ANK2: variants seen among roughly 807,000 people sequenced by gnomAD.
ANK2 encodes ankyrin 2, also known as ankyrin-2.
In ANK2, 83 loss-of-function variants were observed where a neutral mutation model predicts 360.5. That is an observed-to-expected ratio of 0.23 (90% CI 0.19 to 0.28). The LOEUF (loss-of-function observed/expected upper bound fraction) is 0.28. Ranked by LOEUF, ANK2 falls within the 10% of genes least tolerant of loss-of-function variation. The pLI, the probability that ANK2 is intolerant of heterozygous loss-of-function variation, is 1.00. For synonymous variants in ANK2, 1,740 were observed against 1,759.5 expected (o/e 0.99, Z 0.28); for missense variants, 4,201 against 4,795.7 (o/e 0.88, Z 3.66).
chr4:113,133,276 G>A (rs562299974), intron 1 of ANK2, among the ~76,000 whole-genome samples: 1 of 152,266 alleles, frequency 6.6e-6, no homozygotes, highest in East Asian at 1.9e-4. Flanking sequence ...CAGCAGGTGA[G>A]ATGTATCAAG....
intron 1 of ANK2, among the ~76,000 whole-genome samples, chr4:113,110,659 A>G (rs1372095300): frequency 6.6e-6 from 1 of 152,198 alleles, no homozygotes; most frequent in Non-Finnish European, 1.5e-5. Flanking sequence ...AGATGGTAGC[A>G]CTTCAATTCT....
At chr4:113,131,253 T>C (rs76183118) in intron 1 of ANK2, among the ~76,000 whole-genome samples, 1 of 152,140 alleles carries the variant, frequency 6.6e-6, no homozygotes, top group African/African-American at 2.4e-5. Context: ...TGTTTTCCTT[T>C]CCCCTTCATC....
At chr4:113,196,313 G>C in intron 2 of ANK2, 55 bp from the exon 3 acceptor site, 1 of 1,273,624 alleles carries the variant, frequency 7.9e-7, no homozygotes, top group South Asian at 1.2e-5. Flanking sequence ...TAGGATCAGG[G>C]CACTATTTTC....
At chr4:113,178,105 G>A (rs568993892) in intron 2 of ANK2, among the ~76,000 whole-genome samples, 1 of 152,184 alleles carries the variant, frequency 6.6e-6, no homozygotes, top group South Asian at 2.1e-4. Flanking sequence ...TGCAAGGCCA[G>A]GTGTGGTGGC....
intron 13 of ANK2, among the ~76,000 whole-genome samples, chr4:113,262,024 GCCT>G (rs2053203784): frequency 6.6e-6 from 1 of 152,116 alleles, no homozygotes; most frequent in African/African-American, 2.4e-5. Context: ...CTGCACTCCA[GCCT>G]GGGGTACAGA....
chr4:113,139,459 C>T (rs1013872726), intron 1 of ANK2, among the ~76,000 whole-genome samples: 1 of 152,158 alleles, frequency 6.6e-6, no homozygotes, highest in Admixed American at 6.5e-5. Flanking sequence ...AATCACTTGA[C>T]CCTCTCTTCA....
chr4:112,749,052 A>G, the ANK2 span, among the ~76,000 whole-genome samples: 2 of 152,144 alleles, frequency 1.3e-5, no homozygotes, highest in Non-Finnish European at 2.9e-5. Context: ...GGCGTGTGCC[A>G]CCACGCCCAT....
At chr4:113,190,058 A>G (rs537864820) in intron 2 of ANK2, among the ~76,000 whole-genome samples, 1 of 152,308 alleles carries the variant, frequency 6.6e-6, no homozygotes, top group East Asian at 1.9e-4. Context: ...TGATCTTAGA[A>G]ACACAGAATT....
intron 23 of ANK2, among the ~76,000 whole-genome samples, chr4:113,309,272 C>A (rs1202192335): frequency 6.6e-6 from 1 of 152,160 alleles, no homozygotes; most frequent in African/African-American, 2.4e-5. Flanking sequence ...CATTTAGGGA[C>A]TTTGCTTCTT....
At chr4:112,786,066 T>C in the ANK2 span, among the ~76,000 whole-genome samples, 1 of 152,052 alleles carries the variant, frequency 6.6e-6, no homozygotes, top group Non-Finnish European at 1.5e-5. Context: ...AGTCTTGAAC[T>C]CCTAGCCTCA....
intron 1 of ANK2, among the ~76,000 whole-genome samples, chr4:112,875,168 G>T (rs1037740311): frequency 1.3e-5 from 2 of 151,892 alleles, no homozygotes; most frequent in Admixed American, 6.6e-5. Flanking sequence ...ATTACAGGTG[G>T]GCGCCACCAT....
Position 113,359,306 on chromosome 4 carries a change from G to A in ANK2, c.10681+7G>A, listed in dbSNP as rs1433211923. The A allele has an allele frequency of 6.2e-7, 1 of 1,613,194 alleles. No homozygotes were observed. The highest frequency in any genetic ancestry group is 8.5e-7 in the Non-Finnish European group (1 of 1,179,828). ...GGCCATGACCATGCTGAAGGTATTT[G>A]CCAGCCACCGGGATTCCCTGTGCTA... On this transcript the variant is annotated splice_region_variant and intron_variant, in intron 38 of 45. Transcript: ENST00000357077.
the ANK2 span, among the ~76,000 whole-genome samples, chr4:112,811,180 A>T: frequency 6.7e-6 from 1 of 149,148 alleles, no homozygotes; most frequent in Non-Finnish European, 1.5e-5. Context: ...CTCGTAATCC[A>T]CCTGCCTCGG....
chr4:113,359,239 G>C lies in ANK2; in HGVS notation c.10621G>C (p.Glu3541Gln). ...CTTTGACACAAGGCCCATTTGGGAT[G>C]AGTCTATTGAGACTCTGATTGAACG... is the stretch of plus-strand genomic sequence containing the variant. ...DIFDTRPIWDESIETLIERIP... is the reference protein window; with the variant it reads ...DIFDTRPIWDQSIETLIERIP... The change falls in exon 38 of 46, where the codon GAG becomes CAG. Residue 3541 changes from glutamate to glutamine, a missense_variant. Around this residue, in one of 4 missense-constraint regions of ANK2, gnomAD observed 2,642 missense variants for 2,714.5 expected, o/e 0.97. Coordinates refer to ENST00000357077, the MANE Select transcript of ANK2 (RefSeq NM_001148.6). The C allele has an allele frequency of 6.2e-7, 1 of 1,613,848 alleles. No homozygotes were observed. The highest frequency in any genetic ancestry group is 8.5e-7 in the Non-Finnish European group (1 of 1,179,854).
intron 1 of ANK2, among the ~76,000 whole-genome samples, chr4:113,089,746 C>T (rs1581238106): frequency 6.6e-6 from 1 of 152,250 alleles, no homozygotes; most frequent in East Asian, 1.9e-4. Context: ...ATCGCTTGAA[C>T]CCGGGAGGCG....
chr4:113,287,258 A>C (rs145368117), intron 18 of ANK2, among the ~76,000 whole-genome samples: 92 of 152,348 alleles, frequency 6.0e-4, no homozygotes, highest in South Asian at 2.5e-3. Context: ...AGCTATTTAA[A>C]TAAATAAGTT....
chr4:112,752,934 G>T, the ANK2 span, among the ~76,000 whole-genome samples: 53,159 of 152,058 alleles, frequency 0.35, 9,548 homozygotes, highest in African/African-American at 0.42. Flanking sequence ...CCAAAGTGCT[G>T]GGACTACAAG....
chr4:112,739,991 G>A, the ANK2 span, among the ~76,000 whole-genome samples: 210 of 151,976 alleles, frequency 1.4e-3, 2 homozygotes, highest in East Asian at 0.012. Context: ...GCAGAACCCC[G>A]TCTCAATAAA....
intron 2 of ANK2, among the ~76,000 whole-genome samples, chr4:113,043,059 T>C (rs1267820057): frequency 6.6e-6 from 1 of 152,110 alleles, no homozygotes; most frequent in Non-Finnish European, 1.5e-5. Flanking sequence ...CAGCATATAG[T>C]AGTCAGTGAC....
Sources: allele counts gnomAD v4.1 joint callset (sites outside exome capture counted in the v4.1 genomes callset), GRCh38; gene constraint gnomAD v4.1.1; regional missense constraint gnomAD v4.1.1; transcripts MANE v1.5; gene names NCBI Gene and HGNC (gene_info 2026-07-23, HGNC 2026-07-21).